SCLT1: variants seen among roughly 807,000 people sequenced by gnomAD.
SCLT1 encodes sodium channel and clathrin linker 1, also known as sodium channel-associated protein 1.
A neutral mutation model predicts 112.8 loss-of-function variants in SCLT1; 78 were observed. The observed-to-expected ratio is 0.69, with a 90% CI of 0.58 to 0.83. The LOEUF (loss-of-function observed/expected upper bound fraction) is 0.83. SCLT1 is among the 40% of genes least tolerant of loss of function. The pLI, the probability that SCLT1 is intolerant of heterozygous loss-of-function variation, is 0.00. For missense variants in SCLT1, 747 were observed against 770.4 expected (o/e 0.97, Z 0.36); for synonymous variants, 257 against 254.7 (o/e 1.01, Z -0.09).
intron 18 of SCLT1, among the ~76,000 whole-genome samples, chr4:128,913,229 CA>C (rs1560832892): frequency 6.6e-6 from 1 of 152,166 alleles, no homozygotes; most frequent in East Asian, 1.9e-4. Flanking sequence ...GGAGGCACTA[CA>C]GCAAAACAAA....
At chr4:129,056,845 T>C (rs974765986) in intron 2 of SCLT1, among the ~76,000 whole-genome samples, 1 of 152,208 alleles carries the variant, frequency 6.6e-6, no homozygotes, top group Non-Finnish European at 1.5e-5. Context: ...CTAAGTGCTC[T>C]AGCTAGGACT....
chr4:129,032,436 C>G (rs1746808701), intron 5 of SCLT1, among the ~76,000 whole-genome samples: 1 of 152,094 alleles, frequency 6.6e-6, no homozygotes, highest in African/African-American at 2.4e-5. Flanking sequence ...TGGGCAAAGA[C>G]TTCATGACCA....
intron 4 of SCLT1, chr4:129,039,899 C>CGCGCGCGT (rs1747532560): frequency 1.1e-5 from 1 of 91,782 alleles, no homozygotes; most frequent in African/African-American, 8.7e-5. Context: ...TGTGCGCGCG[C>CGCGCGCGT]GCACACACAC....
In SCLT1 at chr4:128,999,674, T is replaced by C; in HGVS notation, c.547A>G (p.Lys183Glu). Residue 183 changes from lysine (K) to glutamate (E), a missense_variant and splice_region_variant, in exon 7 of 21, where the codon AAG (lysine) becomes GAG (glutamate). Transcript: ENST00000281142. ...AAAATGATGAAATCCAAGATTACCT[T>C]TTGTTTTTGACTTTCAAATACATGA... ...QIHVFESQKQKDQLFDFQQLT... is the reference protein window; with the variant it reads ...QIHVFESQKQEDQLFDFQQLT... 2 of 1,595,824 alleles carry C rather than the reference T, an allele frequency of 1.3e-6. No individual in the cohort carries two copies. The highest frequency in any genetic ancestry group is 1.1e-5 in the South Asian group (1 of 88,238).
At chr4:129,046,836 G>A (rs1343913689) in intron 2 of SCLT1, among the ~76,000 whole-genome samples, 1 of 152,070 alleles carries the variant, frequency 6.6e-6, no homozygotes, top group East Asian at 1.9e-4. Flanking sequence ...TTGGAACTAT[G>A]CTTTTCACTC....
chr4:128,951,516 A>T (rs923077802), intron 14 of SCLT1, among the ~76,000 whole-genome samples: 2 of 152,270 alleles, frequency 1.3e-5, no homozygotes, highest in Admixed American at 6.5e-5. Flanking sequence ...AATCCCTGGA[A>T]GTCTTAGCCA....
At position 128,884,391 on chromosome 4, in the gene SCLT1, T is replaced by C. The variant is rs953950732; in HGVS notation, c.*86A>G. The C allele has an allele frequency of 3.8e-6, 3 of 797,372 alleles. No homozygotes were observed. The highest frequency in any genetic ancestry group is 3.4e-5 in the African/African-American group (2 of 58,644). 49.4% of individuals were successfully genotyped at this position (797,372 alleles called of 1,614,324 possible). On this transcript the variant is annotated 3_prime_UTR_variant, in exon 21 of 21. Transcript: ENST00000281142. ...GAAATAACACAAGCCTTAACTATTA[T>C]ACTTTGCAGGCTTTACCATTTCAAT...
At chr4:128,876,982 A>G (rs189377558) in intron 3 of SCLT1, among the ~76,000 whole-genome samples, 95 of 152,328 alleles carry the variant, frequency 6.2e-4, no homozygotes, top group Non-Finnish European at 1.1e-3. Flanking sequence ...TATATAATTC[A>G]GGTCTCTTCA....
rs759324623 is a variant in SCLT1 at position 128,936,865 on chromosome 4, TG to T, written c.1633-15del. 2.0e-5 allele frequency: 27 copies of T among 1,354,610 alleles called. No homozygotes were observed. Among genetic ancestry groups the T allele is most frequent in the Non-Finnish European group, 2.7e-5 (27 of 983,168 alleles). The allele number at this position is 1,354,610 out of a possible 1,614,324, so 83.9% of individuals were successfully genotyped here. A position where few individuals can be genotyped will look rare whatever the true frequency, so the allele number is the denominator to read the frequency against. On this transcript the variant is annotated splice_polypyrimidine_tract_variant and intron_variant, in intron 17 of 20. Coordinates refer to ENST00000281142, the MANE Select transcript of SCLT1 (RefSeq NM_144643.4). ...CATTGTACTGATCTAAAGAATAAAATGAAAACGTATTTTCTTTTTCTTTTCT... is the reference window on the plus strand; with the variant it reads ...CATTGTACTGATCTAAAGAATAAAATAAAACGTATTTTCTTTTTCTTTTCT...
At chr4:128,904,590 G>A (rs1009053623) in intron 18 of SCLT1, among the ~76,000 whole-genome samples, 2 of 151,958 alleles carry the variant, frequency 1.3e-5, no homozygotes, top group Admixed American at 6.6e-5. Flanking sequence ...TTATGTCCAC[G>A]TTGTACCAGT....
At chr4:128,952,300 A>G (rs1320798740) in intron 14 of SCLT1, 1 of 455,876 alleles carries the variant, frequency 2.2e-6, no homozygotes, top group Non-Finnish European at 4.4e-6. Context: ...ATTAAATTTC[A>G]TTACATCAAA....
At chr4:129,028,027 G>A (rs991531212) in intron 5 of SCLT1, among the ~76,000 whole-genome samples, 2 of 152,076 alleles carry the variant, frequency 1.3e-5, no homozygotes, top group South Asian at 4.1e-4. Context: ...AAATAAAAGA[G>A]GATACAAACA....
chr4:129,007,084 C>A (rs143145681), intron 5 of SCLT1, among the ~76,000 whole-genome samples: 109 of 152,264 alleles, frequency 7.2e-4, no homozygotes, highest in East Asian at 5.8e-3. Flanking sequence ...TGATTTCTAG[C>A]ATAATTTTCA....
At chr4:129,028,725 T>A (rs1455549047) in intron 5 of SCLT1, among the ~76,000 whole-genome samples, 2 of 151,882 alleles carry the variant, frequency 1.3e-5, no homozygotes, top group Admixed American at 6.6e-5. Flanking sequence ...GAAACTACCA[T>A]CAGAGTGAAC....
At chr4:128,890,556 TGAAGA>T (rs1203433780) in intron 19 of SCLT1, among the ~76,000 whole-genome samples, 1 of 152,174 alleles carries the variant, frequency 6.6e-6, no homozygotes, top group Non-Finnish European at 1.5e-5. Context: ...GAACATCAAA[TGAAGA>T]GATCTAAAAA....
At chr4:129,053,869 T>A (rs1379538002) in intron 2 of SCLT1, among the ~76,000 whole-genome samples, 1 of 152,088 alleles carries the variant, frequency 6.6e-6, no homozygotes, top group Non-Finnish European at 1.5e-5. Flanking sequence ...TACAATTTGG[T>A]ATGTTTTTGC....
intron 2 of SCLT1, among the ~76,000 whole-genome samples, chr4:129,050,422 C>T (rs992274060): frequency 6.6e-6 from 1 of 152,074 alleles, no homozygotes; most frequent in African/African-American, 2.4e-5. Flanking sequence ...TTTTAATGAT[C>T]GCCATTCTAA....
intron 5 of SCLT1, chr4:128,873,445 A>AAAC (rs1732358884): frequency 6.6e-6 from 1 of 152,644 alleles, no homozygotes; most frequent in African/African-American, 2.4e-5. Context: ...TCAGAGTTCT[A>AAAC]AACTCTAATT....
At chr4:129,014,291 C>T (rs887056913) in intron 5 of SCLT1, among the ~76,000 whole-genome samples, 16 of 152,040 alleles carry the variant, frequency 1.1e-4, no homozygotes, top group African/African-American at 3.6e-4. Flanking sequence ...CATGCATATT[C>T]TGATTTCTAT....
Sources: allele counts gnomAD v4.1 joint callset (sites outside exome capture counted in the v4.1 genomes callset), GRCh38; gene constraint gnomAD v4.1.1; transcripts MANE v1.5; gene names NCBI Gene and HGNC (gene_info 2026-07-23, HGNC 2026-07-21).